ARID4B: variants seen among roughly 807,000 people sequenced by gnomAD.
ARID4B encodes AT-rich interactive domain-containing protein 4B.
A neutral mutation model predicts 147.5 loss-of-function variants in ARID4B; 26 were observed. That is an observed-to-expected ratio of 0.18 (90% CI 0.13 to 0.24). ARID4B has a LOEUF of 0.24. Ranked by LOEUF, ARID4B falls within the 10% of genes least tolerant of loss-of-function variation. The pLI is 1.00. For synonymous variants in ARID4B, 512 were observed against 507.9 expected (o/e 1.01, Z -0.11); for missense variants, 1,179 against 1,511.5 (o/e 0.78, Z 3.65).
chr1:235,185,249 T>C (rs1161025533), intron 19 of ARID4B, among the ~76,000 whole-genome samples: 3 of 152,252 alleles, frequency 2.0e-5, no homozygotes, highest in Non-Finnish European at 4.4e-5. Context: ...TTATAACATA[T>C]GTAAATGTGG....
rs755361671 is a variant in ARID4B, at chr1:235,220,455, C to G, written c.1254G>C (p.Lys418Asn). The change falls in exon 15 of 24, where the codon AAG (lysine) becomes AAC (asparagine). Residue 418 changes from lysine (K) to asparagine (N), a missense_variant. Lys to Asn is a moderately conservative substitution (Grantham distance 94). Transcript: ENST00000264183. ...TTATTTCTTTTACATTTTCACACTC[C>G]TTACATTGCTTGTTAACAACTTTCT... Reference protein sequence around the residue: ...LPEKVVNKQCKECENVKEIKV... With the variant: ...LPEKVVNKQCNECENVKEIKV... The G allele has an allele frequency of 6.2e-7, 1 of 1,612,674 alleles. No homozygotes were observed. The highest frequency in any genetic ancestry group is 1.7e-5 in the Admixed American group (1 of 59,976).
intron 23 of ARID4B, among the ~76,000 whole-genome samples, chr1:235,169,631 G>A (rs1352514000): frequency 6.6e-6 from 1 of 151,318 alleles, no homozygotes; most frequent in Non-Finnish European, 1.5e-5. Context: ...CGCCTTCCAG[G>A]TTCACGCCAT....
intron 2 of ARID4B, among the ~76,000 whole-genome samples, chr1:235,293,072 CT>C (rs1458857765): frequency 6.6e-6 from 1 of 152,164 alleles, no homozygotes; most frequent in Non-Finnish European, 1.5e-5. Context: ...AAAACCAGAG[CT>C]CCTATTTTAT....
At position 235,224,722 on chromosome 1, in the gene ARID4B, G is replaced by A. The variant is rs777641306; in HGVS notation, c.951C>T (p.Tyr317=). The A allele has an allele frequency of 3.1e-6, 5 of 1,597,880 alleles. No individual in the cohort carries two copies. The highest frequency in any genetic ancestry group is 4.3e-6 in the Non-Finnish European group (5 of 1,167,782). Residue 317 remains tyrosine (Y), a synonymous_variant, in exon 12 of 24, where the codon TAC becomes TAT. Coordinates refer to ENST00000264183, the MANE Select transcript of ARID4B (RefSeq NM_016374.6). ...ACTCACCTCTATCTTCCATAAATTT[G>A]TACAATTGCTGAAGAAAGTTCTCCC... ...EERENFLQQL[Y]KFMEDRGTPI... is the part of the protein sequence containing the mutation.
chr1:235,261,740 A>T (rs1670309561), intron 2 of ARID4B, among the ~76,000 whole-genome samples: 2 of 152,190 alleles, frequency 1.3e-5, no homozygotes, highest in South Asian at 4.1e-4. Context: ...TTAGTTTTTA[A>T]TAGCTGCTCT....
At chr1:235,204,200 T>C (rs1021705480) in intron 17 of ARID4B, among the ~76,000 whole-genome samples, 6 of 152,130 alleles carry the variant, frequency 3.9e-5, no homozygotes, top group African/African-American at 1.4e-4. Context: ...CACACGCCTG[T>C]AGTCCCAGCT....
At chr1:235,173,008 C>A (rs1663477138) in intron 22 of ARID4B, among the ~76,000 whole-genome samples, 1 of 152,114 alleles carries the variant, frequency 6.6e-6, no homozygotes, top group South Asian at 2.1e-4. Flanking sequence ...CTACATATAT[C>A]CACATCCATA....
chr1:235,298,066 G>C (rs1321999845), intron 2 of ARID4B, among the ~76,000 whole-genome samples: 1 of 152,152 alleles, frequency 6.6e-6, no homozygotes, highest in Non-Finnish European at 1.5e-5. Flanking sequence ...ACTATGAAAG[G>C]AAAGTTCAAG....
chr1:235,249,592 G>A (rs1368924845), intron 6 of ARID4B, among the ~76,000 whole-genome samples: 1 of 151,458 alleles, frequency 6.6e-6, no homozygotes, highest in East Asian at 2.0e-4. Context: ...TCAGGAGATC[G>A]AGACCACCCT....
intron 23 of ARID4B, among the ~76,000 whole-genome samples, chr1:235,169,882 G>A (rs1261004482): frequency 6.6e-6 from 1 of 152,056 alleles, no homozygotes; most frequent in Non-Finnish European, 1.5e-5. Flanking sequence ...GTCTGGTCTC[G>A]AACTCCTGAC....
At chr1:235,275,833 G>A (rs946573860) in intron 2 of ARID4B, among the ~76,000 whole-genome samples, 3 of 152,136 alleles carry the variant, frequency 2.0e-5, no homozygotes, top group Non-Finnish European at 4.4e-5. Context: ...AAGCTAAACT[G>A]TCAAAATATA....
intron 2 of ARID4B, among the ~76,000 whole-genome samples, chr1:235,265,690 T>C (rs566555725): frequency 2.0e-4 from 27 of 135,470 alleles, no homozygotes; most frequent in Non-Finnish European, 3.8e-4. Flanking sequence ...CACTGAGACC[T>C]TGTCTCAAAA....
At chr1:235,308,519 TGCC>T (rs1293545725) in intron 2 of ARID4B, among the ~76,000 whole-genome samples, 1 of 146,600 alleles carries the variant, frequency 6.8e-6, no homozygotes, top group Non-Finnish European at 1.5e-5. Context: ...CTCCCTCTGA[TGCC>T]GAGCCGAAGC....
chr1:235,224,253 G>C (rs1667684937), intron 12 of ARID4B, among the ~76,000 whole-genome samples: 1 of 152,182 alleles, frequency 6.6e-6, no homozygotes, highest in African/African-American at 2.4e-5. Flanking sequence ...GAGAATAACA[G>C]TGTTGAGGTT....
chr1:235,260,836 G>T (rs994472137), intron 2 of ARID4B, 84 bp from the exon 3 acceptor site: 2 of 879,496 alleles, frequency 2.3e-6, no homozygotes, highest in Non-Finnish European at 3.5e-6. Flanking sequence ...GCCTAATCTT[G>T]TTAAGCTACA....
rs869157061 is a variant in ARID4B at position 235,236,862 on chromosome 1, A to ATTT, written c.586-2373_586-2371dup. Among the ~76,000 whole-genome samples the ATTT allele has an allele frequency of 1.8e-3, 31 of 17,492 alleles. 2 individuals are homozygous for ATTT. The highest frequency in any genetic ancestry group is 2.1e-3 in the Non-Finnish European group (22 of 10,592). The allele number at this position is 17,492 out of a possible 152,430, so 11.5% of individuals were successfully genotyped here. A position where few individuals can be genotyped will look rare whatever the true frequency, so the allele number is the denominator to read the frequency against. ...TATATATATATATATATATATATATATTTTTTTTTTTTTTTTTTTTTTTTT... is the reference window on the plus strand; with the variant it reads ...TATATATATATATATATATATATATATTTTTTTTTTTTTTTTTTTTTTTTTTTT... On this transcript the variant is annotated intron_variant, in intron 8 of 23. Coordinates refer to ENST00000264183, the MANE Select transcript of ARID4B (RefSeq NM_016374.6).
Position 235,248,318 on chromosome 1 carries a change from G to A in ARID4B, c.355-1807C>T, listed in dbSNP as rs998261691. On this transcript the variant is annotated intron_variant, in intron 6 of 23. Transcript: ENST00000264183. ...GCCCAACTCGGCCTCCCAAACTGCT[G>A]GGATTACAGGCATGAGCCACCACAC... Among the ~76,000 whole-genome samples, 3 of 152,266 alleles carry A rather than the reference G, an allele frequency of 2.0e-5. No individual in the cohort carries two copies. In the South Asian group the frequency reaches 6.2e-4, roughly 32 times the overall value.
intron 23 of ARID4B, among the ~76,000 whole-genome samples, chr1:235,169,235 TTTTTG>T (rs1207143164): frequency 6.6e-6 from 1 of 152,054 alleles, no homozygotes; most frequent in Non-Finnish European, 1.5e-5. Flanking sequence ...TTTTCGTTTT[TTTTTG>T]TTTGTTTGTT....
chr1:235,201,601 G>A (rs1333995623), intron 17 of ARID4B, among the ~76,000 whole-genome samples: 5 of 152,202 alleles, frequency 3.3e-5, no homozygotes, highest in African/African-American at 9.6e-5. Context: ...TGGGATTATA[G>A]GTGTGAGCCA....
Sources: gnomAD v4.1 joint callset for allele counts (sites outside exome capture counted in the v4.1 genomes callset) on GRCh38, gnomAD v4.1.1 for gene constraint, MANE v1.5 for transcripts, NCBI Gene and HGNC (gene_info 2026-07-23, HGNC 2026-07-21) for gene names.